The following CNTNAP5 variants were observed in gnomAD, a reference collection of about 807,000 sequenced individuals.
CNTNAP5 encodes the protein contactin associated protein family member 5, also known as contactin-associated protein-like 5.
A neutral mutation model predicts 150.2 loss-of-function variants in CNTNAP5; 72 were observed. The observed-to-expected ratio is 0.48, with a 90% CI of 0.40 to 0.58. The LOEUF (loss-of-function observed/expected upper bound fraction) is 0.58, where lower values mean the gene tolerates loss of function less well. Among genes scored for constraint, CNTNAP5 ranks in the 20% least tolerant of loss-of-function variants. The probability of loss-of-function intolerance (pLI) is 0.00; values close to 1 mark genes in which losing one functional copy is unlikely to be tolerated. For synonymous variants in CNTNAP5, 672 were observed against 619.8 expected (o/e 1.08, Z -1.25); for missense variants, 1,636 against 1,626.2 (o/e 1.01, Z -0.10).
intron 1 of CNTNAP5, among the ~76,000 whole-genome samples, chr2:124,167,873 G>A (rs569497067): frequency 6.6e-6 from 1 of 152,238 alleles, no homozygotes; most frequent in South Asian, 2.1e-4. Context: ...GAGGCAGGAA[G>A]CCAAACCAAA....
At chr2:124,769,248 G>C (rs1022894239) in intron 16 of CNTNAP5, among the ~76,000 whole-genome samples, 6 of 152,040 alleles carry the variant, frequency 3.9e-5, no homozygotes, top group Non-Finnish European at 7.4e-5. Flanking sequence ...CATCTCCTAG[G>C]AGCACTTGGT....
chr2:124,542,854 C>G (rs1465721861), intron 10 of CNTNAP5, among the ~76,000 whole-genome samples: 1 of 152,140 alleles, frequency 6.6e-6, no homozygotes, highest in Non-Finnish European at 1.5e-5. Flanking sequence ...AGCATCTGCT[C>G]TCAGTAGCTG....
At chr2:124,841,530 G>A (rs558552872) in intron 19 of CNTNAP5, among the ~76,000 whole-genome samples, 3 of 151,870 alleles carry the variant, frequency 2.0e-5, no homozygotes, top group East Asian at 1.9e-4. Flanking sequence ...CCCTAATTCC[G>A]GGTTTATCTT....
At chr2:124,159,096 A>C (rs2104646147) in intron 1 of CNTNAP5, among the ~76,000 whole-genome samples, 1 of 152,350 alleles carries the variant, frequency 6.6e-6, no homozygotes, top group Non-Finnish European at 1.5e-5. Context: ...CCTTAACAGA[A>C]CAATTGCCTT....
chr2:124,713,366 T>TCTTA lies in CNTNAP5; in HGVS notation c.2078-33860_2078-33859insACTT, dbSNP rs1491150916. On this transcript the variant is annotated intron_variant, in intron 13 of 23. Coordinates refer to ENST00000682447, the MANE Select transcript of CNTNAP5 (RefSeq NM_001367498.1). ...TTCTTTCTTTCTTTCTTTCTTTCTT[T>TCTTA]CTTTCTTTCTTTCTTCTCCCTCTTT... Among the ~76,000 whole-genome samples, 19 of 140,302 alleles carry TCTTA rather than the reference T, an allele frequency of 1.4e-4. 2 individuals are homozygous for TCTTA. Among genetic ancestry groups the TCTTA allele is most frequent in the Middle Eastern group, 3.5e-3 (1 of 286 alleles). The allele number at this position is 140,302 out of a possible 152,430, so 92.0% of individuals were successfully genotyped here. A position where few individuals can be genotyped will look rare whatever the true frequency, so the allele number is the denominator to read the frequency against.
At chr2:124,343,881 A>G (rs557489157) in intron 3 of CNTNAP5, among the ~76,000 whole-genome samples, 53 of 152,320 alleles carry the variant, frequency 3.5e-4, no homozygotes, top group African/African-American at 1.3e-3. Context: ...TTCCTGCTGC[A>G]TCGTAACATG....
chr2:124,067,699 T>G (rs73952584), intron 1 of CNTNAP5, among the ~76,000 whole-genome samples: 1,597 of 152,288 alleles, frequency 0.01, 29 homozygotes, highest in African/African-American at 0.036. Context: ...ACTATACTTT[T>G]TAATCGTTGT....
intron 3 of CNTNAP5, among the ~76,000 whole-genome samples, chr2:124,255,187 C>T (rs1177411400): frequency 3.9e-5 from 6 of 151,988 alleles, no homozygotes; most frequent in Admixed American, 1.3e-4. Context: ...CAGGAGTTTA[C>T]AATCAACCTG....
At chr2:124,194,479 T>G (rs1366885834) in intron 1 of CNTNAP5, among the ~76,000 whole-genome samples, 11 of 149,656 alleles carry the variant, frequency 7.4e-5, no homozygotes, top group African/African-American at 2.7e-4. Flanking sequence ...CTAGAACATG[T>G]GGTAAACTGA....
chr2:124,398,929 T>C (rs1691333364), intron 3 of CNTNAP5, among the ~76,000 whole-genome samples: 1 of 152,202 alleles, frequency 6.6e-6, no homozygotes, highest in Admixed American at 6.5e-5. Context: ...GTGGGCTGTA[T>C]ACCAGGTATT....
At chr2:124,201,068 T>C (rs990161440) in intron 1 of CNTNAP5, among the ~76,000 whole-genome samples, 2 of 152,138 alleles carry the variant, frequency 1.3e-5, no homozygotes, top group Non-Finnish European at 2.9e-5. Context: ...CCATCACAAG[T>C]GCTAAGAGTT....
chr2:124,060,875 G>GT (rs1002064807), intron 1 of CNTNAP5, among the ~76,000 whole-genome samples: 24 of 152,162 alleles, frequency 1.6e-4, no homozygotes, highest in Non-Finnish European at 2.4e-4. Context: ...TTGTCATGGT[G>GT]TTTTTTTGAC....
chr2:124,914,533 C>T lies in CNTNAP5; in HGVS notation c.*245C>T. ...AAACGACCACTCAAGAGACTGACTT[C>T]GCCATTCAAGACAAGGAAGAGACAC... On this transcript the variant is annotated 3_prime_UTR_variant, in exon 24 of 24. Transcript: ENST00000682447. 1.5e-5 allele frequency: 7 copies of T among 461,776 alleles called. No individual in the cohort carries two copies. The highest frequency in any genetic ancestry group is 2.7e-5 in the South Asian group (1 of 37,120). 28.6% of individuals were successfully genotyped at this position (461,776 alleles called of 1,614,324 possible). A position where few individuals can be genotyped will look rare whatever the true frequency, so the allele number is the denominator to read the frequency against.
chr2:124,178,907 G>GTTAT (rs199781615), intron 1 of CNTNAP5, among the ~76,000 whole-genome samples: 3,395 of 141,124 alleles, frequency 0.024, 42 homozygotes, highest in Middle Eastern at 0.029. Context: ...ATTTTTATTT[G>GTTAT]TTATTTATTT....
intron 19 of CNTNAP5, among the ~76,000 whole-genome samples, chr2:124,820,734 G>A (rs1682468969): frequency 1.3e-5 from 2 of 152,098 alleles, no homozygotes; most frequent in Admixed American, 6.6e-5. Context: ...CTTTGGATCT[G>A]TATACCATGC....
intron 19 of CNTNAP5, among the ~76,000 whole-genome samples, chr2:124,821,233 C>T (rs1211799605): frequency 1.3e-5 from 2 of 152,160 alleles, no homozygotes; most frequent in Admixed American, 1.3e-4. Flanking sequence ...AAGAGAGGGA[C>T]AGAAAACTAA....
chr2:124,345,838 T>C (rs1689725240), intron 3 of CNTNAP5, among the ~76,000 whole-genome samples: 1 of 152,176 alleles, frequency 6.6e-6, no homozygotes, highest in Non-Finnish European at 1.5e-5. Context: ...TCCCTCTTGC[T>C]TACATTTACC....
chr2:124,780,390 C>T (rs73955807), intron 17 of CNTNAP5, among the ~76,000 whole-genome samples: 4,737 of 152,226 alleles, frequency 0.031, 243 homozygotes, highest in African/African-American at 0.11. Flanking sequence ...AGATCCCTCC[C>T]TACGCTGGAT....
intron 13 of CNTNAP5, 99 bp from the exon 14 acceptor site, chr2:124,747,130 C>G: frequency 9.0e-7 from 1 of 1,111,278 alleles, no homozygotes; most frequent in South Asian, 1.5e-5. Flanking sequence ...TATCTATATA[C>G]ATCTATTCTC....
Sources: gnomAD v4.1 joint callset for allele counts (sites outside exome capture counted in the v4.1 genomes callset) on GRCh38, gnomAD v4.1.1 for gene constraint, MANE v1.5 for transcripts, NCBI Gene and HGNC (gene_info 2026-07-23, HGNC 2026-07-21) for gene names.